The following TEX14 variants were observed in gnomAD, a reference collection of about 807,000 sequenced individuals.
TEX14 encodes testis expressed 14, intercellular bridge forming factor.
A neutral mutation model predicts 178.6 loss-of-function variants in TEX14; 168 were observed. The observed-to-expected ratio is 0.94, with a 90% CI of 0.83 to 1.07. The LOEUF is 1.07. Among genes scored for constraint, TEX14 ranks in the 50% least tolerant of loss-of-function variants. TEX14 has a pLI of 0.00. For missense variants in TEX14, 1,730 were observed against 1,753.6 expected (o/e 0.99, Z 0.24); for synonymous variants, 626 against 634.1 (o/e 0.99, Z 0.19).
At chr17:58,684,026 C>G (rs903428267) in intron 1 of TEX14, among the ~76,000 whole-genome samples, 3 of 152,096 alleles carry the variant, frequency 2.0e-5, no homozygotes, top group African/African-American at 7.2e-5. Context: ...GATGGTGCCA[C>G]TGCACTCCAG....
chr17:58,564,731 T>G (rs2044360845), intron 28 of TEX14, 138 bp downstream of exon 28: 1 of 472,760 alleles, frequency 2.1e-6, no homozygotes, highest in Non-Finnish European at 3.7e-6. Context: ...AAAGTAACCC[T>G]TTAGGAATAG....
At chr17:58,660,586 G>A in intron 1 of TEX14, 4 of 794,016 alleles carry the variant, frequency 5.0e-6, no homozygotes, top group Non-Finnish European at 9.3e-6. Context: ...ATTAGCCCAT[G>A]TTCTGTCGGT....
chr17:58,566,202 G>A (rs976400739), intron 26 of TEX14, among the ~76,000 whole-genome samples: 2 of 152,160 alleles, frequency 1.3e-5, no homozygotes, highest in Admixed American at 6.5e-5. Context: ...CTGTTTCTAA[G>A]CACTCGCATA....
At chr17:58,562,934 T>C (rs1448849123) in intron 28 of TEX14, among the ~76,000 whole-genome samples, 2 of 152,042 alleles carry the variant, frequency 1.3e-5, no homozygotes, top group Non-Finnish European at 2.9e-5. Flanking sequence ...TATCCAGGCA[T>C]GTTGGCATGA....
At chr17:58,608,654 C>T (rs774532480) in intron 10 of TEX14, among the ~76,000 whole-genome samples, 7 of 152,206 alleles carry the variant, frequency 4.6e-5, no homozygotes, top group Non-Finnish European at 1.0e-4. Flanking sequence ...CATCTGGTGG[C>T]ACAGACACAC....
intron 3 of TEX14, among the ~76,000 whole-genome samples, chr17:58,627,202 T>C (rs962776573): frequency 6.6e-6 from 1 of 152,158 alleles, no homozygotes; most frequent in African/African-American, 2.4e-5. Context: ...CTATGTACCA[T>C]ATTATGGGCT....
chr17:58,689,091 C>T lies in TEX14; in HGVS notation c.-2+2848G>A, dbSNP rs149348010. On this transcript the variant is annotated intron_variant, in intron 1 of 31. Transcript: ENST00000349033. ...GACTACAGGTGCCTGCCACCACACC[C>T]GGCTAATTTTTTGTATTTTTAGTAG... Among the ~76,000 whole-genome samples, 388 of 151,892 alleles carry T rather than the reference C, an allele frequency of 2.6e-3. 1 individual carries two copies. Among genetic ancestry groups the T allele is most frequent in the African/African-American group, 8.9e-3 (370 of 41,402 alleles).
Position 58,623,181 on chromosome 17 carries a change from TACAC to T in TEX14, c.252-173_252-170del, listed in dbSNP as rs34181308. On this transcript the variant is annotated intron_variant, in intron 3 of 31. Transcript: ENST00000349033. ...TGTCTGTGCCCACAGGAACTTTCTG[TACAC>T]ACACACACACACACACACACACACA... is the stretch of plus-strand genomic sequence containing the variant. Among the ~76,000 whole-genome samples the T allele has an allele frequency of 7.5e-3, 1,099 of 146,764 alleles. 7 individuals carry two copies. The highest frequency in any genetic ancestry group is 0.021 in the African/African-American group (835 of 40,398).
Position 58,601,392 on chromosome 17 carries a change from C to T in TEX14, c.1678+414G>A, listed in dbSNP as rs1234962322. Among the ~76,000 whole-genome samples, 4 of 151,804 alleles carry T rather than the reference C, an allele frequency of 2.6e-5. No homozygotes were observed. In the South Asian group the frequency reaches 8.3e-4, roughly 32 times the overall value. ...AAAAAATTAGCTGGGCATGGTTGTG[C>T]GTGCCTGTAATCCCAGCTACTCAGG... On this transcript the variant is annotated intron_variant, in intron 13 of 31. Coordinates refer to ENST00000349033, the MANE Select transcript of TEX14 (RefSeq NM_031272.5).
chr17:58,590,033 C>A (rs569223546), intron 15 of TEX14, among the ~76,000 whole-genome samples: 1 of 152,024 alleles, frequency 6.6e-6, no homozygotes, highest in East Asian at 1.9e-4. Context: ...GAGGCCATGG[C>A]GGGCAGATCA....
chr17:58,568,998 T>G (rs969675418), intron 26 of TEX14, among the ~76,000 whole-genome samples, 194 bp downstream of exon 26: 2 of 152,210 alleles, frequency 1.3e-5, no homozygotes, highest in South Asian at 4.1e-4. Flanking sequence ...CCAATCATCC[T>G]GGCCAGGCTG....
chr17:58,617,784 C>T (rs2040167505), intron 5 of TEX14, among the ~76,000 whole-genome samples, 165 bp from the exon 6 acceptor site: 1 of 152,214 alleles, frequency 6.6e-6, no homozygotes, highest in African/African-American at 2.4e-5. Context: ...GAGAGGGCCT[C>T]TATGATTCTC....
chr17:58,604,483 A>C (rs1016066212), intron 11 of TEX14, among the ~76,000 whole-genome samples: 2 of 150,724 alleles, frequency 1.3e-5, no homozygotes, highest in African/African-American at 4.8e-5. Flanking sequence ...AAAAAATAAA[A>C]AATAAAAATA....
In TEX14 at chr17:58,577,397, AC is replaced by A; in HGVS notation, c.3297del (p.Arg1099SerfsTer25). On this transcript the variant is annotated frameshift_variant, in exon 21 of 32. Transcript: ENST00000349033. LOFTEE classifies it high-confidence loss of function. ...ILGKNAEILP[R>X]SQFQPVRSTE... ...TACCTTCGTACAGGTTGAAATTGAG[AC>A]CTGGGCAAAATCTCAGCATTCTTTC... 6.7e-7 allele frequency: 1 copy of A among 1,500,034 alleles called. No homozygotes were observed. Among genetic ancestry groups the A allele is most frequent in the South Asian group, 1.3e-5 (1 of 75,050 alleles). 92.9% of individuals were successfully genotyped at this position (1,500,034 alleles called of 1,614,324 possible).
At chr17:58,676,369 T>A (rs2047394852) in intron 1 of TEX14, among the ~76,000 whole-genome samples, 1 of 145,360 alleles carries the variant, frequency 6.9e-6, no homozygotes, top group African/African-American at 2.6e-5. Flanking sequence ...AGAGAGAAAA[T>A]CCATCTCAAA....
chr17:58,602,435 G>C lies in TEX14; in HGVS notation c.1492C>G (p.Gln498Glu), dbSNP rs760528297. The stretch of plus-strand genomic sequence containing the variant: ...TTCTTCAGAATATACCGGATATCTT[G>C]AAGGTTCATAGTTCGGTCTTTCTGC... ...VKQKDRTMNL[Q>E]DIRYILKNDL... The change falls in exon 12 of 32, where the codon CAA becomes GAA. Residue 498 changes from glutamine to glutamate, a missense_variant. By Grantham distance (29) the Gln-to-Glu change is conservative. Transcript: ENST00000349033. 2 of 1,613,898 alleles carry C rather than the reference G, an allele frequency of 1.2e-6. No homozygotes were observed. The highest frequency in any genetic ancestry group is 1.7e-6 in the Non-Finnish European group (2 of 1,179,996).
At chr17:58,619,131 C>T (rs1407509135) in intron 5 of TEX14, among the ~76,000 whole-genome samples, 1 of 152,206 alleles carries the variant, frequency 6.6e-6, no homozygotes, top group African/African-American at 2.4e-5. Flanking sequence ...AGCAGTGGAA[C>T]TGGGGGTTAC....
chr17:58,608,349 G>A (rs2045661954), intron 10 of TEX14, among the ~76,000 whole-genome samples: 2 of 151,910 alleles, frequency 1.3e-5, no homozygotes, highest in South Asian at 2.1e-4. Context: ...CCCAGGAGGC[G>A]GAGCTTGTAG....
chr17:58,687,441 C>A (rs567916959), intron 1 of TEX14, among the ~76,000 whole-genome samples: 1 of 152,016 alleles, frequency 6.6e-6, no homozygotes, highest in Admixed American at 6.6e-5. Flanking sequence ...TAGGTCCGTG[C>A]GGGTTACAGA....
Sources: gnomAD v4.1 joint callset for allele counts (sites outside exome capture counted in the v4.1 genomes callset) on GRCh38, gnomAD v4.1.1 for gene constraint, MANE v1.5 for transcripts, NCBI Gene and HGNC (gene_info 2026-07-23, HGNC 2026-07-21) for gene names.